Variants in PHACTR1 observed in about 807,000 individuals in gnomAD.
PHACTR1 encodes the protein RPEL repeat containing 1.
In PHACTR1, 16 loss-of-function variants were observed where a neutral mutation model predicts 69.2. That is an observed-to-expected ratio of 0.23 (90% CI 0.16 to 0.35). PHACTR1 has a LOEUF of 0.35. PHACTR1 is among the 10% of genes least tolerant of loss of function. PHACTR1 has a pLI of 1.00. For missense variants in PHACTR1, 510 were observed against 734.7 expected (o/e 0.69, Z 3.54); for synonymous variants, 312 against 284.5 (o/e 1.10, Z -0.97).
intron 5 of PHACTR1, among the ~76,000 whole-genome samples, chr6:13,148,145 A>G (rs1451203910): frequency 6.8e-6 from 1 of 146,752 alleles, no homozygotes; most frequent in Non-Finnish European, 1.5e-5. Context: ...TTTTTCACTC[A>G]GCATGGCTTG....
chr6:13,280,824 G>T, intron 12 of PHACTR1: 1 of 543,734 alleles, frequency 1.8e-6, no homozygotes, highest in Non-Finnish European at 2.9e-6. Flanking sequence ...TATTTTTGCA[G>T]CATTCAAGGA....
At chr6:13,232,017 G>C (rs1460453687) in intron 10 of PHACTR1, among the ~76,000 whole-genome samples, 2 of 152,178 alleles carry the variant, frequency 1.3e-5, no homozygotes, top group African/African-American at 4.8e-5. Context: ...GTCTACCAGG[G>C]CTTAATTCTG....
At chr6:12,860,929 G>T (rs1030602713) in intron 4 of PHACTR1, among the ~76,000 whole-genome samples, 5 of 152,186 alleles carry the variant, frequency 3.3e-5, no homozygotes, top group Middle Eastern at 3.4e-3. Context: ...ATTTTTATGG[G>T]CAAGTAAGGC....
At chr6:12,753,970 A>ATTTTTT (rs1193950496) in intron 4 of PHACTR1, among the ~76,000 whole-genome samples, 1 of 134,498 alleles carries the variant, frequency 7.4e-6, no homozygotes, top group African/African-American at 2.8e-5. Context: ...ATATATATAT[A>ATTTTTT]TTTTTTTTTT....
intron 4 of PHACTR1, among the ~76,000 whole-genome samples, chr6:13,009,659 CAGG>C (rs1799215776): frequency 6.6e-6 from 1 of 152,144 alleles, no homozygotes; most frequent in East Asian, 1.9e-4. Flanking sequence ...CCTCAGTTCA[CAGG>C]AGATCACACA....
rs549175829 is a variant in PHACTR1 at position 12,760,685 on chromosome 6, C to A, written c.250+10895C>A. Among the ~76,000 whole-genome samples the A allele has an allele frequency of 9.9e-5, 15 of 152,284 alleles. No homozygotes were observed. In the South Asian group the frequency reaches 3.1e-3, roughly 32 times the overall value. ...CGGTGGCTCACGCCTATAATCCCAG[C>A]ACTTTGGGAGGTGGAGGTGGGTGGA... On this transcript the variant is annotated intron_variant, in intron 4 of 14. Transcript: ENST00000332995.
chr6:13,255,671 C>T (rs149801341), intron 10 of PHACTR1, among the ~76,000 whole-genome samples: 2 of 152,354 alleles, frequency 1.3e-5, no homozygotes, highest in African/African-American at 4.8e-5. Context: ...AAGTCCTAAA[C>T]CTAGCAGGGC....
At chr6:12,997,558 C>T (rs1411220374) in intron 4 of PHACTR1, among the ~76,000 whole-genome samples, 2 of 151,986 alleles carry the variant, frequency 1.3e-5, no homozygotes, top group Non-Finnish European at 1.5e-5. Context: ...TTATACATTG[C>T]GTGATGATTA....
intron 4 of PHACTR1, among the ~76,000 whole-genome samples, chr6:12,883,686 C>T (rs1465747828): frequency 2.6e-5 from 4 of 152,096 alleles, no homozygotes; most frequent in Non-Finnish European, 5.9e-5. Context: ...TCTCCTTCTC[C>T]CTGCGGGTCT....
Position 12,819,425 on chromosome 6 carries a change from C to A in PHACTR1, c.250+69635C>A, listed in dbSNP as rs115762773. Among the ~76,000 whole-genome samples the A allele has an allele frequency of 2.3e-3, 356 of 152,248 alleles. 4 individuals are homozygous for A. Among genetic ancestry groups the A allele is most frequent in the African/African-American group, 8.1e-3 (337 of 41,528 alleles). On this transcript the variant is annotated intron_variant, in intron 4 of 14. Coordinates refer to ENST00000332995, the MANE Select transcript of PHACTR1 (RefSeq NM_030948.6). The stretch of plus-strand genomic sequence containing the variant: ...GGTCTGAGTCTCTCATATATTTCAA[C>A]CACACAGGATGTTTATTTGATATAG...
Position 13,182,500 on chromosome 6 carries a change from C to G in PHACTR1, c.497-19C>G. 6.2e-7 allele frequency: 1 copy of G among 1,612,644 alleles called. No individual in the cohort carries two copies. The highest frequency in any genetic ancestry group is 8.5e-7 in the Non-Finnish European group (1 of 1,178,690). ...GGCAGACATTGTCTAACTCTGCAAT[C>G]TCCTTTTCTCTCTGACAGATGGGGA... On this transcript the variant is annotated intron_variant, in intron 6 of 14. Transcript: ENST00000332995.
intron 4 of PHACTR1, among the ~76,000 whole-genome samples, chr6:12,933,152 T>C (rs1445824477): frequency 1.3e-5 from 2 of 152,016 alleles, no homozygotes; most frequent in African/African-American, 4.8e-5. Flanking sequence ...GCCAGGCTGG[T>C]CTTGAACCCC....
chr6:13,219,869 G>A (rs1768326890), intron 8 of PHACTR1, among the ~76,000 whole-genome samples: 1 of 152,102 alleles, frequency 6.6e-6, no homozygotes, highest in South Asian at 2.1e-4. Flanking sequence ...AAAAATGATG[G>A]GCTTTGCTGA....
chr6:13,164,548 G>C (rs1759510714), intron 6 of PHACTR1, among the ~76,000 whole-genome samples: 1 of 152,202 alleles, frequency 6.6e-6, no homozygotes. Flanking sequence ...ACCTCTGTTT[G>C]TGCCGCAGTT....
intron 13 of PHACTR1, among the ~76,000 whole-genome samples, chr6:13,285,512 C>G (rs141641945): frequency 7.8e-4 from 119 of 152,314 alleles, no homozygotes; most frequent in African/African-American, 2.6e-3. Context: ...CCTGCTCTCT[C>G]ATGGCCTCTC....
At position 12,740,273 on chromosome 6, in the gene PHACTR1, G is replaced by T. The variant is rs897316069; in HGVS notation, c.104-9371G>T. Reference sequence around the variant, plus strand: ...GGTCATTATGAATAAATCTGCTGTGGACATGCTGGTCCATGTCATGGGTCT... The same window carrying T: ...GGTCATTATGAATAAATCTGCTGTGTACATGCTGGTCCATGTCATGGGTCT... On this transcript the variant is annotated intron_variant, in intron 3 of 14. Coordinates refer to ENST00000332995, the MANE Select transcript of PHACTR1 (RefSeq NM_030948.6). 1.3e-5 allele frequency among the ~76,000 whole-genome samples: 2 copies of T among 152,082 alleles called. 1 individual carries two copies. The highest frequency in any genetic ancestry group is 4.8e-5 in the African/African-American group (2 of 41,398).
chr6:13,132,016 C>G lies in PHACTR1; in HGVS notation c.416-28188C>G, dbSNP rs548824937. 7.9e-5 allele frequency among the ~76,000 whole-genome samples: 12 copies of G among 152,238 alleles called. No homozygotes were observed. The East Asian group carries it at 1.3e-3, about 17-fold the overall frequency. ...ACTGTAAGTAAAACAGTGCACTAGA[C>G]CCCTTTAAATTTGAAGAAATTCAAA... On this transcript the variant is annotated intron_variant, in intron 5 of 14. Coordinates refer to ENST00000332995, the MANE Select transcript of PHACTR1 (RefSeq NM_030948.6).
intron 5 of PHACTR1, among the ~76,000 whole-genome samples, chr6:13,101,514 C>G (rs1815154844): frequency 6.6e-6 from 1 of 152,226 alleles, no homozygotes; most frequent in Non-Finnish European, 1.5e-5. Flanking sequence ...GCAGCTGACT[C>G]ACGTGATTTC....
rs559128259 is a variant in PHACTR1, at chr6:13,025,126, G to A, written c.251-28239G>A. ...AAAAATTAGCCGGGCATGGTGGTGC[G>A]TGCCTATAGTCCCAGCTGCTTGGGA... On this transcript the variant is annotated intron_variant, in intron 4 of 14. Coordinates refer to ENST00000332995, the MANE Select transcript of PHACTR1 (RefSeq NM_030948.6). 6.6e-5 allele frequency among the ~76,000 whole-genome samples: 10 copies of A among 152,076 alleles called. No individual in the cohort carries two copies. In the South Asian group the frequency reaches 1.2e-3, roughly 19 times the overall value.
Sources: allele counts gnomAD v4.1 joint callset (sites outside exome capture counted in the v4.1 genomes callset), GRCh38; gene constraint gnomAD v4.1.1; transcripts MANE v1.5; gene names NCBI Gene and HGNC (gene_info 2026-07-23, HGNC 2026-07-21).